Variants in HTT observed in about 807,000 individuals in gnomAD.
The protein encoded by HTT is huntingtin.
A neutral mutation model predicts 362.3 loss-of-function variants in HTT; 104 were observed. The observed-to-expected ratio is 0.29, with a 90% CI of 0.24 to 0.34. The LOEUF (loss-of-function observed/expected upper bound fraction) is 0.34. Among genes scored for constraint, HTT ranks in the 10% least tolerant of loss-of-function variants. The pLI is 1.00. For missense variants in HTT, 3,301 were observed against 3,928.6 expected, an observed-to-expected ratio of 0.84 and a Z score of 4.27; for synonymous variants, 1,577 against 1,548.7, an observed-to-expected ratio of 1.02 and a Z score of -0.43.
At chr4:3,197,467 CT>C (rs1719304407) in intron 40 of HTT, among the ~76,000 whole-genome samples, 1 of 152,062 alleles carries the variant, frequency 6.6e-6, no homozygotes, top group Non-Finnish European at 1.5e-5. Flanking sequence ...GAACCCTAAC[CT>C]TACCTCCTCC....
chr4:3,118,570 A>G (rs1240082526), intron 8 of HTT, among the ~76,000 whole-genome samples: 1 of 152,222 alleles, frequency 6.6e-6, no homozygotes, highest in Non-Finnish European at 1.5e-5. Context: ...GTGGGTGCGT[A>G]GACAGAGCAA....
intron 29 of HTT, among the ~76,000 whole-genome samples, chr4:3,161,028 C>T (rs1453454333): frequency 6.6e-6 from 1 of 152,110 alleles, no homozygotes; most frequent in African/African-American, 2.4e-5. Context: ...CCCATCAACC[C>T]ATCACCTACA....
At chr4:3,147,201 A>T (rs1716645413) in intron 25 of HTT, among the ~76,000 whole-genome samples, 1 of 152,166 alleles carries the variant, frequency 6.6e-6, no homozygotes, top group South Asian at 2.1e-4. Context: ...CTCATTTTGA[A>T]TTTCATTTTA....
chr4:3,195,750 G>A (rs1248597839), intron 40 of HTT, among the ~76,000 whole-genome samples: 1 of 152,162 alleles, frequency 6.6e-6, no homozygotes, highest in Non-Finnish European at 1.5e-5. Context: ...CTTGGTTCAC[G>A]GATGGTTTTC....
rs1720879573 is a variant in HTT, at chr4:3,225,738, G to A, written c.7843G>A (p.Gly2615Ser). ...GCTGGGGAGCATGAGCTACAAACTC[G>A]GCCAGGTCAGTCTCGCGCCCCCGCC... is the stretch of plus-strand genomic sequence containing the variant. ...RELGSMSYKL[G>S]QVSIHSVWLG... Residue 2615 changes from glycine to serine, a missense_variant, in exon 57 of 67, where the codon GGC (glycine) becomes AGC (serine). Physicochemically the swap from Gly to Ser is moderately conservative, Grantham distance 56. Transcript: ENST00000355072. The A allele has an allele frequency of 1.9e-6, 3 of 1,613,738 alleles. No individual in the cohort carries two copies. Among genetic ancestry groups the A allele is most frequent in the Non-Finnish European group, 2.5e-6 (3 of 1,179,836 alleles).
chr4:3,083,526 A>AATATATATAT (rs141494195), intron 1 of HTT, among the ~76,000 whole-genome samples: 5 of 81,832 alleles, frequency 6.1e-5, no homozygotes, highest in Non-Finnish European at 8.8e-5. Context: ...CCTGTCTCTA[A>AATATATATAT]ATATACACAC....
chr4:3,075,658 C>CGGGGGGGGG (rs1712496862), intron 1 of HTT, among the ~76,000 whole-genome samples: 1 of 47,896 alleles, frequency 2.1e-5, no homozygotes, highest in Admixed American at 2.3e-4. Context: ...AGGGGGGGGG[C>CGGGGGGGGG]GGGGAGTGAG....
intron 22 of HTT, among the ~76,000 whole-genome samples, chr4:3,142,403 T>A (rs1716394449): frequency 6.6e-6 from 1 of 152,156 alleles, no homozygotes; most frequent in South Asian, 2.1e-4. Context: ...AATTGACATG[T>A]GCCATGAAGG....
At chr4:3,146,969 CAG>C in intron 25 of HTT, 21 bp downstream of exon 25, 1 of 1,613,250 alleles carries the variant, frequency 6.2e-7, no homozygotes, top group South Asian at 1.1e-5. Flanking sequence ...TGAGTTGAAA[CAG>C]GGACTCCAGG....
chr4:3,146,685 C>A, intron 24 of HTT, 112 bp from the exon 25 acceptor site: 1 of 848,174 alleles, frequency 1.2e-6, no homozygotes, highest in South Asian at 1.6e-5. Context: ...AATTTCTGAG[C>A]TGGTATAAAA....
intron 10 of HTT, among the ~76,000 whole-genome samples, chr4:3,124,725 G>C (rs1715445580): frequency 6.6e-6 from 1 of 152,204 alleles, no homozygotes; most frequent in Non-Finnish European, 1.5e-5. Flanking sequence ...GATAGGCCAA[G>C]TTGCTGTGTT....
intron 54 of HTT, 133 bp downstream of exon 54, chr4:3,222,620 T>G: frequency 1.5e-6 from 1 of 664,964 alleles, no homozygotes; most frequent in South Asian, 1.9e-5. Flanking sequence ...AGTAGCTGAA[T>G]GGTGTCTTGA....
chr4:3,127,173 C>G, intron 11 of HTT, 91 bp from the exon 12 acceptor site: 1 of 897,210 alleles, frequency 1.1e-6, no homozygotes, highest in South Asian at 1.6e-5. Flanking sequence ...CATTTGATAA[C>G]GGTGGAACTG....
chr4:3,150,740 A>T (rs896124144), intron 26 of HTT, among the ~76,000 whole-genome samples: 2 of 152,222 alleles, frequency 1.3e-5, no homozygotes, highest in African/African-American at 4.8e-5. Context: ...AACCTCTGTT[A>T]AAAACCGGAC....
At chr4:3,109,486 A>T (rs1578505629) in intron 6 of HTT, among the ~76,000 whole-genome samples, 1 of 152,188 alleles carries the variant, frequency 6.6e-6, no homozygotes, top group Admixed American at 6.5e-5. Flanking sequence ...CAGCCTCCCA[A>T]AGTGCTGGGA....
At chr4:3,094,090 G>A (rs971195490) in intron 2 of HTT, among the ~76,000 whole-genome samples, 5 of 151,636 alleles carry the variant, frequency 3.3e-5, no homozygotes, top group Non-Finnish European at 7.4e-5. Flanking sequence ...GTGTCCCTGG[G>A]TACTTGAGAT....
intron 26 of HTT, among the ~76,000 whole-genome samples, chr4:3,152,535 T>C (rs1358185619): frequency 6.6e-6 from 1 of 152,190 alleles, no homozygotes; most frequent in Non-Finnish European, 1.5e-5. Context: ...CTGTACTCTT[T>C]ACCCAAAACC....
intron 2 of HTT, among the ~76,000 whole-genome samples, chr4:3,097,640 T>C (rs1005933301): frequency 3.3e-5 from 5 of 151,978 alleles, no homozygotes; most frequent in Non-Finnish European, 5.9e-5. Flanking sequence ...TCAAAACAAA[T>C]AAATAAATAA....
intron 2 of HTT, among the ~76,000 whole-genome samples, chr4:3,089,053 T>C (rs559020732): frequency 1.3e-5 from 2 of 152,346 alleles, no homozygotes; most frequent in East Asian, 1.9e-4. Context: ...CTGTGTAAGC[T>C]GGGTGACTTT....
Sources: gnomAD v4.1 joint callset for allele counts (sites outside exome capture counted in the v4.1 genomes callset) on GRCh38, gnomAD v4.1.1 for gene constraint, MANE v1.5 for transcripts, NCBI Gene and HGNC (gene_info 2026-07-23, HGNC 2026-07-21) for gene names.